The following KIF26B variants were observed in gnomAD, a reference collection of about 807,000 sequenced individuals.
The protein encoded by KIF26B is kinesin family member 26B, also known as kinesin-like protein KIF26B.
KIF26B carries 63 observed loss-of-function variants against 151.2 expected under a neutral mutation model. The observed-to-expected ratio is 0.42, with a 90% CI of 0.34 to 0.51. KIF26B has a LOEUF of 0.51. Ranked by LOEUF, KIF26B falls within the 20% of genes least tolerant of loss-of-function variation. The pLI is 0.07. For synonymous variants in KIF26B, 1,357 were observed against 1,262.1 expected, an observed-to-expected ratio of 1.08 and a Z score of -1.59; for missense variants, 2,813 against 2,913.6, an observed-to-expected ratio of 0.97 and a Z score of 0.79.
At chr1:245,376,713 A>T (rs1007873773) in intron 3 of KIF26B, among the ~76,000 whole-genome samples, 1 of 151,848 alleles carries the variant, frequency 6.6e-6, no homozygotes, top group Admixed American at 6.6e-5. Context: ...TTTGAGACTG[A>T]GTCTTGCTCT....
At chr1:245,285,813 T>C (rs1165166184) in intron 2 of KIF26B, among the ~76,000 whole-genome samples, 1 of 151,484 alleles carries the variant, frequency 6.6e-6, no homozygotes, top group Non-Finnish European at 1.5e-5. Flanking sequence ...CAAGACTCCA[T>C]CACTACCAAA....
intron 4 of KIF26B, among the ~76,000 whole-genome samples, chr1:245,433,895 GAA>G (rs1658840751): frequency 6.6e-6 from 1 of 152,108 alleles, no homozygotes; most frequent in Non-Finnish European, 1.5e-5. Flanking sequence ...GCAACGGAAA[GAA>G]AGGGCCTTGG....
rs2044786520 is a variant in KIF26B, at chr1:245,702,566, T to C, written c.6287T>C (p.Met2096Thr). The change falls in exon 15 of 15, where the codon ATG becomes ACG. Residue 2096 changes from methionine (M) to threonine (T), a missense_variant. Around this residue, in one of 3 missense-constraint regions of KIF26B, gnomAD observed 2,060 missense variants for 2,088.6 expected, o/e 0.99. Coordinates refer to ENST00000407071, the MANE Select transcript of KIF26B (RefSeq NM_018012.4). The surrounding 1 kb of genome is among the most constrained non-coding windows in gnomAD (Gnocchi z 4.1). ...SRVNFCKAHL[M>T]MITCFDITSR... is the part of the protein sequence containing the mutation. ...GTCAACTTCTGCAAGGCCCATCTCA[T>C]GATGATCACCTGCTTCGACATCACC... 4.3e-6 allele frequency: 7 copies of C among 1,613,852 alleles called. No homozygotes were observed. The highest frequency in any genetic ancestry group is 5.1e-6 in the Non-Finnish European group (6 of 1,179,890).
intron 2 of KIF26B, among the ~76,000 whole-genome samples, chr1:245,324,357 A>G (rs1486313651): frequency 6.6e-6 from 1 of 152,232 alleles, no homozygotes; most frequent in Admixed American, 6.5e-5. Flanking sequence ...TTCAAGACAT[A>G]GATTCCCCTT....
chr1:245,426,072 A>T (rs971220837), intron 4 of KIF26B, among the ~76,000 whole-genome samples: 1 of 152,082 alleles, frequency 6.6e-6, no homozygotes, highest in African/African-American at 2.4e-5. Context: ...CCATTCTGTT[A>T]TCTCAGGTTC....
chr1:245,185,865 ATTATT>A (rs1173099964), intron 2 of KIF26B, among the ~76,000 whole-genome samples: 9 of 151,288 alleles, frequency 5.9e-5, no homozygotes, highest in Non-Finnish European at 7.4e-5. Context: ...TTTTCTTTTT[ATTATT>A]TTATTTTATT....
In KIF26B at chr1:245,611,888, C is replaced by T; in HGVS notation, c.2010C>T (p.Asp670=). The change falls in exon 9 of 15, where the codon GAC becomes GAT. Residue 670 remains aspartate (D), a synonymous_variant. Coordinates refer to ENST00000407071, the MANE Select transcript of KIF26B (RefSeq NM_018012.4). ...CCTCCCGCAGGAGCCACCAACAGGA[C>T]TGTGATGAGGACGACCACCGCAACT... ...AIASRRSHQQ[D]CDEDDHRNSH... 1 of 1,613,314 alleles carries T rather than the reference C, an allele frequency of 6.2e-7. No homozygotes were observed. Among genetic ancestry groups the T allele is most frequent in the Non-Finnish European group, 8.5e-7 (1 of 1,179,728 alleles).
At chr1:245,266,698 G>C (rs1332425182) in intron 2 of KIF26B, among the ~76,000 whole-genome samples, 1 of 152,028 alleles carries the variant, frequency 6.6e-6, no homozygotes, top group East Asian at 1.9e-4. Context: ...GTAGGGACGG[G>C]GTTTCACCAT....
intron 2 of KIF26B, among the ~76,000 whole-genome samples, chr1:245,240,820 G>T (rs1670200762): frequency 6.6e-6 from 1 of 152,044 alleles, no homozygotes; most frequent in African/African-American, 2.4e-5. Flanking sequence ...GCTGGAGGCT[G>T]TGGGCCAGGT....
intron 4 of KIF26B, among the ~76,000 whole-genome samples, chr1:245,520,489 C>T (rs1301720307): frequency 6.6e-6 from 1 of 152,008 alleles, no homozygotes; most frequent in Admixed American, 6.6e-5. Flanking sequence ...AGTCAGCAAA[C>T]CTTAAAGACA....
At position 245,686,453 on chromosome 1, in the gene KIF26B, A is replaced by G. The variant is rs764555483; in HGVS notation, c.3470A>G (p.Gln1157Arg). 7 of 1,613,208 alleles carry G rather than the reference A, an allele frequency of 4.3e-6. No individual in the cohort carries two copies. The African/African-American group carries it at 5.3e-5, about 12-fold the overall frequency. The change falls in exon 12 of 15, where the codon CAG becomes CGG. Residue 1157 changes from glutamine to arginine, a missense_variant. Gln to Arg is a conservative substitution (Grantham distance 43). Transcript: ENST00000407071. This position sits in a 1 kb window ranked among gnomAD's most constrained non-coding sequence, Gnocchi z 5.6. Reference protein sequence around the residue: ...FPETPVDDEQQAATPSESKKE... With the variant: ...FPETPVDDEQRAATPSESKKE... Reference sequence around the variant, plus strand: ...GAAACTCCTGTCGATGATGAGCAGCAGGCAGCTACTCCTTCAGAGTCCAAG... The same window carrying G: ...GAAACTCCTGTCGATGATGAGCAGCGGGCAGCTACTCCTTCAGAGTCCAAG...
Position 245,709,142 on chromosome 1 carries a change from A to G in KIF26B, c.*6536A>G, listed in dbSNP as rs534018030. The G allele has an allele frequency of 6.6e-6, 1 of 152,212 alleles. No homozygotes were observed. The highest frequency in any genetic ancestry group is 1.5e-5 in the Non-Finnish European group (1 of 68,032). 9.4% of individuals were successfully genotyped at this position (152,212 alleles called of 1,614,324 possible). A position where few individuals can be genotyped will look rare whatever the true frequency, so the allele number is the denominator to read the frequency against. On this transcript the variant is annotated 3_prime_UTR_variant, in exon 15 of 15. Coordinates refer to ENST00000407071, the MANE Select transcript of KIF26B (RefSeq NM_018012.4). Reference sequence around the variant, plus strand: ...GGTCCCAGCAGCCCCTTGGCAGGCTAGTTTTGTGCATGGGCCTTTGCAAGC... The same window carrying G: ...GGTCCCAGCAGCCCCTTGGCAGGCTGGTTTTGTGCATGGGCCTTTGCAAGC...
At chr1:245,513,208 ACCC>A (rs5782355) in intron 4 of KIF26B, among the ~76,000 whole-genome samples, 1 of 133,008 alleles carries the variant, frequency 7.5e-6, no homozygotes, top group African/African-American at 2.9e-5. Flanking sequence ...TCCAACCTGC[ACCC>A]CCCCCCAACC....
In KIF26B at chr1:245,438,286, C is replaced by T. The variant is rs368711310; in HGVS notation, c.1166+18541C>T. ...CATATAGCTGCTGTGTGCCACTTTA[C>T]AGAGGTTAAGACTGAGCAGTCCTGG... is the stretch of plus-strand genomic sequence containing the variant. On this transcript the variant is annotated intron_variant, in intron 4 of 14. Coordinates refer to ENST00000407071, the MANE Select transcript of KIF26B (RefSeq NM_018012.4). 3.8e-4 allele frequency among the ~76,000 whole-genome samples: 58 copies of T among 152,274 alleles called. 1 individual carries two copies. The highest frequency in any genetic ancestry group is 1.3e-3 in the African/African-American group (52 of 41,568).
At chr1:245,620,547 G>A (rs1419640120) in intron 9 of KIF26B, among the ~76,000 whole-genome samples, 4 of 152,158 alleles carry the variant, frequency 2.6e-5, no homozygotes, top group South Asian at 2.1e-4. Context: ...CAACAGGTGC[G>A]CACCACCATG....
Position 245,564,035 on chromosome 1 carries a change from C to T in KIF26B, c.1350+23085C>T, listed in dbSNP as rs112309439. ...CATTTCATTTCGCAGCTAGATTGCT[C>T]GTGAACAGCTAAGCAGGTCACGCTG... On this transcript the variant is annotated intron_variant, in intron 5 of 14. Transcript: ENST00000407071. The surrounding 1 kb of genome is among the most constrained non-coding windows in gnomAD (Gnocchi z 4.6). 3.3e-5 allele frequency among the ~76,000 whole-genome samples: 5 copies of T among 152,150 alleles called. No individual in the cohort carries two copies. The highest frequency in any genetic ancestry group is 7.3e-5 in the Non-Finnish European group (5 of 68,030).
At chr1:245,541,007 T>A (rs1661607948) in intron 5 of KIF26B, 57 bp downstream of exon 5, 45 of 1,458,450 alleles carry the variant, frequency 3.1e-5, no homozygotes, top group Non-Finnish European at 3.8e-5. Flanking sequence ...TGGATCAAGT[T>A]TCAGGAGGAA....
chr1:245,280,597 G>GTTTTTTT (rs74163033), intron 2 of KIF26B, among the ~76,000 whole-genome samples: 9 of 104,452 alleles, frequency 8.6e-5, no homozygotes, highest in African/African-American at 1.5e-4. Flanking sequence ...GGAAGTTTTC[G>GTTTTTTT]TTTTTTTTTT....
chr1:245,329,256 C>T (rs755451005), intron 2 of KIF26B, among the ~76,000 whole-genome samples: 1 of 152,182 alleles, frequency 6.6e-6, no homozygotes, highest in East Asian at 1.9e-4. Flanking sequence ...GATTGGGCTG[C>T]GTTCTAACTC....
Sources: gnomAD v4.1 joint callset for allele counts (sites outside exome capture counted in the v4.1 genomes callset) on GRCh38, gnomAD v4.1.1 for gene constraint, gnomAD v4.1.1 regional missense constraint, Gnocchi (gnomAD v3.1) non-coding constraint, MANE v1.5 for transcripts, NCBI Gene and HGNC (gene_info 2026-07-23, HGNC 2026-07-21) for gene names.